Variants in MSRA observed in about 807,000 individuals in gnomAD.
MSRA encodes the protein mitochondrial peptide methionine sulfoxide reductase.
Under a neutral mutation model 31.3 loss-of-function variants are expected in MSRA, and 54 were observed. The observed-to-expected ratio is 1.73, with a 90% CI of 1.39 to 2.17. MSRA has a LOEUF of 2.17. MSRA is among the 30% of genes most tolerant of loss of function. MSRA has a pLI of 0.00. For missense variants in MSRA, 507 were observed against 300.9 expected (o/e 1.69, Z -5.07); for synonymous variants, 169 against 116.5 (o/e 1.45, Z -2.90).
chr8:10,095,394 G>A (rs900208927), intron 1 of MSRA, among the ~76,000 whole-genome samples: 1 of 152,214 alleles, frequency 6.6e-6, no homozygotes, highest in African/African-American at 2.4e-5. Flanking sequence ...AGTCGATGCT[G>A]TTGGTGCCAG....
intron 2 of MSRA, among the ~76,000 whole-genome samples, chr8:10,213,940 C>A (rs1312840085): frequency 1.3e-5 from 2 of 152,186 alleles, no homozygotes; most frequent in Non-Finnish European, 2.9e-5. Flanking sequence ...CAGTGAGAAA[C>A]CTTAATGTTG....
chr8:10,142,889 C>T (rs1046686680), intron 1 of MSRA, among the ~76,000 whole-genome samples: 23 of 152,098 alleles, frequency 1.5e-4, no homozygotes, highest in African/African-American at 5.3e-4. Flanking sequence ...TACTTTAAAC[C>T]ATGTTTTTAT....
intron 5 of MSRA, among the ~76,000 whole-genome samples, chr8:10,386,463 C>A (rs1047421407): frequency 6.6e-6 from 1 of 152,144 alleles, no homozygotes; most frequent in Non-Finnish European, 1.5e-5. Context: ...ACATCATAGA[C>A]AAAGCAGTCT....
chr8:10,121,634 C>T (rs12674871), intron 1 of MSRA, among the ~76,000 whole-genome samples: 38,798 of 151,854 alleles, frequency 0.26, 5,476 homozygotes, highest in East Asian at 0.56. Context: ...AGAAGAGAGG[C>T]ACCTGCTATG....
chr8:10,380,494 C>T (rs1196095426), intron 5 of MSRA, among the ~76,000 whole-genome samples: 2 of 152,198 alleles, frequency 1.3e-5, no homozygotes, highest in Non-Finnish European at 2.9e-5. Context: ...ATGAGAAATG[C>T]TGATGGTGTG....
At chr8:10,177,435 T>C (rs953551864) in intron 1 of MSRA, among the ~76,000 whole-genome samples, 12 of 151,866 alleles carry the variant, frequency 7.9e-5, no homozygotes, top group Non-Finnish European at 1.6e-4. Flanking sequence ...ATTCTTGAGC[T>C]TTGATAACTT....
intron 1 of MSRA, among the ~76,000 whole-genome samples, chr8:10,174,779 C>T (rs1805893468): frequency 6.6e-6 from 1 of 152,166 alleles, no homozygotes; most frequent in Non-Finnish European, 1.5e-5. Context: ...TGGAGGAGTC[C>T]ATGAGCTGAC....
chr8:10,223,861 C>G (rs1032655250), intron 2 of MSRA, among the ~76,000 whole-genome samples: 1 of 152,042 alleles, frequency 6.6e-6, no homozygotes, highest in East Asian at 1.9e-4. Flanking sequence ...ACTCAAAGAC[C>G]GCCCCTGTTT....
intron 5 of MSRA, among the ~76,000 whole-genome samples, chr8:10,426,776 G>T (rs1279725984): frequency 1.3e-5 from 2 of 152,184 alleles, no homozygotes; most frequent in Non-Finnish European, 2.9e-5. Flanking sequence ...AAATTAACAT[G>T]TGTGAAGTCT....
At chr8:10,256,291 G>A (rs1427348771) in intron 3 of MSRA, among the ~76,000 whole-genome samples, 2 of 152,090 alleles carry the variant, frequency 1.3e-5, no homozygotes, top group African/African-American at 4.8e-5. Flanking sequence ...GTCTTTTCAC[G>A]GCTTGGTAGG....
At chr8:10,309,554 T>C (rs1489755574) in intron 4 of MSRA, among the ~76,000 whole-genome samples, 1 of 152,210 alleles carries the variant, frequency 6.6e-6, no homozygotes, top group African/African-American at 2.4e-5. Flanking sequence ...CTCAATCAGC[T>C]CCTCTTCACC....
chr8:10,083,723 G>T (rs1798406879), intron 1 of MSRA, among the ~76,000 whole-genome samples: 1 of 151,660 alleles, frequency 6.6e-6, no homozygotes, highest in Admixed American at 6.6e-5. Flanking sequence ...CTGCTATCCT[G>T]TTTTTTTCCC....
intron 2 of MSRA, among the ~76,000 whole-genome samples, chr8:10,227,429 C>A (rs1446083315): frequency 6.6e-6 from 1 of 152,078 alleles, no homozygotes; most frequent in Non-Finnish European, 1.5e-5. Flanking sequence ...TTTGACTGAA[C>A]ACTTGTTTGC....
intron 5 of MSRA, among the ~76,000 whole-genome samples, chr8:10,414,432 C>T (rs1808337905): frequency 6.6e-6 from 1 of 152,182 alleles, no homozygotes; most frequent in Admixed American, 6.5e-5. Context: ...CGGTGTGACC[C>T]ACCATCTCAG....
chr8:10,061,628 T>G (rs1254172215), intron 1 of MSRA, among the ~76,000 whole-genome samples: 1 of 151,664 alleles, frequency 6.6e-6, no homozygotes, highest in East Asian at 1.9e-4. Flanking sequence ...GTGCAGTCAA[T>G]AGTGTTTTAT....
Position 10,328,514 on chromosome 8 carries a change from C to T in MSRA, c.543+8525C>T, listed in dbSNP as rs555557192. 4.6e-5 allele frequency among the ~76,000 whole-genome samples: 7 copies of T among 152,148 alleles called. No homozygotes were observed. In the South Asian group the frequency reaches 6.2e-4, roughly 14 times the overall value. ...TTACCTCTCCATGATTATGACCACC[C>T]GCACAGGCAGCAGAGTGATATTCCT... On this transcript the variant is annotated intron_variant, in intron 5 of 5. Coordinates refer to ENST00000317173, the MANE Select transcript of MSRA (RefSeq NM_012331.5).
intron 1 of MSRA, among the ~76,000 whole-genome samples, chr8:10,109,485 G>C (rs1397702386): frequency 6.6e-6 from 1 of 151,852 alleles, no homozygotes; most frequent in African/African-American, 2.4e-5. Context: ...GGGGCAACAG[G>C]CACGCACCTA....
intron 1 of MSRA, among the ~76,000 whole-genome samples, chr8:10,141,309 G>A (rs1802685122): frequency 6.6e-6 from 1 of 152,216 alleles, no homozygotes; most frequent in South Asian, 2.1e-4. Flanking sequence ...CCCCACTTCA[G>A]AGGTGAGGAA....
rs750163008 is a variant in MSRA at position 10,428,262 on chromosome 8, T to A, written c.658T>A (p.Cys220Ser). ...QYLSKNPNGYCGLGGTGVSCP... is the reference protein window; with the variant it reads ...QYLSKNPNGYSGLGGTGVSCP... ...CCTGAGCAAGAACCCCAATGGCTAC[T>A]GCGGCCTTGGGGGCACCGGCGTGTC... Residue 220 changes from cysteine to serine, a missense_variant, in exon 6 of 6, where the codon TGC (cysteine) becomes AGC (serine). Transcript: ENST00000317173. The A allele has an allele frequency of 2.5e-6, 4 of 1,613,990 alleles. No individual in the cohort carries two copies. Among genetic ancestry groups the A allele is most frequent in the African/African-American group, 1.3e-5 (1 of 74,920 alleles).
Sources: allele counts gnomAD v4.1 joint callset (sites outside exome capture counted in the v4.1 genomes callset), GRCh38; gene constraint gnomAD v4.1.1; transcripts MANE v1.5; gene names NCBI Gene and HGNC (gene_info 2026-07-23, HGNC 2026-07-21).